ASAH2: variants seen among roughly 807,000 people sequenced by gnomAD.
ASAH2 encodes the protein neutral ceramidase.
Under a neutral mutation model 82.9 loss-of-function variants are expected in ASAH2, and 58 were observed. The ratio of observed to expected loss-of-function variants is 0.70; its 90% CI spans 0.57 to 0.87. The LOEUF (loss-of-function observed/expected upper bound fraction) is 0.87, where lower values mean the gene tolerates loss of function less well. Ranked by LOEUF, ASAH2 falls within the 40% of genes least tolerant of loss-of-function variation. ASAH2 has a pLI of 0.00. For synonymous variants in ASAH2, 276 were observed against 289.7 expected (o/e 0.95, Z 0.48); for missense variants, 779 against 834.0 (o/e 0.93, Z 0.81).
At chr10:50,245,173 TA>T in intron 3 of ASAH2, 48 bp downstream of exon 3, 1 of 1,431,034 alleles carries the variant, frequency 7.0e-7, no homozygotes, top group Non-Finnish European at 9.8e-7. Flanking sequence ...TGTAAAATAA[TA>T]AAATTACTTG....
At chr10:50,236,184 C>A in intron 4 of ASAH2, 120 bp from the exon 5 acceptor site, 3 of 883,728 alleles carry the variant, frequency 3.4e-6, no homozygotes, top group Admixed American at 1.9e-5. Context: ...AGTCCATTCT[C>A]ATGCTGCTAA....
chr10:50,242,105 T>C (rs1203821201), intron 4 of ASAH2, among the ~76,000 whole-genome samples: 1 of 152,234 alleles, frequency 6.6e-6, no homozygotes, highest in African/African-American at 2.4e-5. Context: ...GCTCTACCAT[T>C]TGCTAACTGT....
chr10:50,235,697 A>G (rs1002077319), intron 5 of ASAH2, among the ~76,000 whole-genome samples, 191 bp downstream of exon 5: 1 of 152,100 alleles, frequency 6.6e-6, no homozygotes, highest in Non-Finnish European at 1.5e-5. Flanking sequence ...CCAATCATCC[A>G]TGCCTCATCC....
chr10:50,198,968 CCAGACA>C, intron 17 of ASAH2, 77 bp downstream of exon 17: 1 of 1,475,958 alleles, frequency 6.8e-7, no homozygotes, highest in South Asian at 1.1e-5. Context: ...ATTTTCTTAC[CCAGACA>C]CAGACACATA....
intron 8 of ASAH2, among the ~76,000 whole-genome samples, chr10:50,217,472 C>G (rs1372663719): frequency 2.0e-5 from 3 of 152,074 alleles, no homozygotes; most frequent in Non-Finnish European, 4.4e-5. Context: ...CATGATTCAC[C>G]CACCTCGGCC....
chr10:50,235,770 A>G (rs1846144096), intron 5 of ASAH2, 118 bp downstream of exon 5: 3 of 1,090,938 alleles, frequency 2.7e-6, no homozygotes, highest in Non-Finnish European at 4.2e-6. Flanking sequence ...AGAATTGTAC[A>G]TGCTAATACT....
intron 7 of ASAH2, among the ~76,000 whole-genome samples, chr10:50,223,654 C>T (rs1845803313): frequency 6.6e-6 from 1 of 152,112 alleles, no homozygotes; most frequent in Non-Finnish European, 1.5e-5. Flanking sequence ...AATGCATGCT[C>T]ATCTGGAACC....
At chr10:50,220,550 C>T (rs1682305371) in intron 7 of ASAH2, among the ~76,000 whole-genome samples, 1 of 152,106 alleles carries the variant, frequency 6.6e-6, no homozygotes, top group Non-Finnish European at 1.5e-5. Flanking sequence ...CCAAATACCA[C>T]ATGTTCTCAC....
At chr10:50,208,702 G>A (rs1845375614) in intron 12 of ASAH2, among the ~76,000 whole-genome samples, 1 of 152,050 alleles carries the variant, frequency 6.6e-6, no homozygotes, top group African/African-American at 2.4e-5. Context: ...ACGTGGATCA[G>A]ATTACATAAT....
chr10:50,186,010 C>T lies in ASAH2; in HGVS notation c.*1305G>A, dbSNP rs1844736416. The T allele has an allele frequency of 1.3e-5, 2 of 149,780 alleles. No individual in the cohort carries two copies. The highest frequency in any genetic ancestry group is 2.5e-5 in the African/African-American group (1 of 40,044). The allele number at this position is 149,780 out of a possible 1,614,324, so 9.3% of individuals were successfully genotyped here. The stretch of plus-strand genomic sequence containing the variant: ...AATGCAATTAGTACTTTCAGACAAT[C>T]GATGTCAGACTGTCATATCTTATTC... On this transcript the variant is annotated 3_prime_UTR_variant, in exon 21 of 21. Coordinates refer to ENST00000682911, the MANE Select transcript of ASAH2 (RefSeq NM_019893.4).
intron 7 of ASAH2, among the ~76,000 whole-genome samples, chr10:50,222,314 T>G (rs1845771392): frequency 6.6e-6 from 1 of 152,256 alleles, no homozygotes; most frequent in Admixed American, 6.5e-5. Context: ...TGTCTCACTC[T>G]GTTGCCCAGG....
chr10:50,219,281 C>T (rs1040993714), intron 7 of ASAH2, among the ~76,000 whole-genome samples: 1 of 152,220 alleles, frequency 6.6e-6, no homozygotes, highest in Non-Finnish European at 1.5e-5. Flanking sequence ...TAAAGTTATA[C>T]AGTTTACAAA....
intron 1 of ASAH2, among the ~76,000 whole-genome samples, chr10:50,250,211 G>A (rs1403126202): frequency 6.6e-6 from 1 of 152,074 alleles, no homozygotes; most frequent in African/African-American, 2.4e-5. Flanking sequence ...TACCCAGCAG[G>A]CCTTATTTAT....
intron 16 of ASAH2, among the ~76,000 whole-genome samples, chr10:50,200,507 A>T (rs1290150638): frequency 1.5e-4 from 23 of 152,046 alleles, no homozygotes; most frequent in Admixed American, 1.1e-3. Context: ...GTTGTCAAGA[A>T]CTCATACAGA....
Position 50,235,888 on chromosome 10 carries a change from C to A in ASAH2, c.687G>T (p.Lys229Asn). 2 of 1,613,184 alleles carry A rather than the reference C, an allele frequency of 1.2e-6. No homozygotes were observed. The highest frequency in any genetic ancestry group is 1.7e-6 in the Non-Finnish European group (2 of 1,179,288). The change falls in exon 5 of 21, where the codon AAG becomes AAT. Residue 229 changes from lysine to asparagine, a missense_variant and splice_region_variant. Coordinates refer to ENST00000682911, the MANE Select transcript of ASAH2 (RefSeq NM_019893.4). ...TFQHMVTGIL[K>N]SIDIAHTNMK... ...GCTGCCTCTGGGGCTCTTTGCCTAC[C>A]TTCAAGATACCAGTGACCATGTGCT...
At chr10:50,205,812 C>A (rs1486362461) in intron 13 of ASAH2, among the ~76,000 whole-genome samples, 170 bp downstream of exon 13, 1 of 151,850 alleles carries the variant, frequency 6.6e-6, no homozygotes, top group Non-Finnish European at 1.5e-5. Flanking sequence ...ATTGCCATAA[C>A]CTTCATTCCT....
intron 12 of ASAH2, among the ~76,000 whole-genome samples, 182 bp downstream of exon 12, chr10:50,210,641 T>C (rs1263973199): frequency 2.6e-5 from 4 of 152,148 alleles, no homozygotes; most frequent in African/African-American, 7.2e-5. Flanking sequence ...GACAGAAATA[T>C]TAGTGGTTGC....
chr10:50,241,892 G>T (rs1028103759), intron 4 of ASAH2, among the ~76,000 whole-genome samples: 1 of 152,202 alleles, frequency 6.6e-6, no homozygotes, highest in East Asian at 1.9e-4. Context: ...GTCGGTGGGT[G>T]GAGGGCTAGG....
chr10:50,223,347 G>A (rs1845796531), intron 7 of ASAH2, among the ~76,000 whole-genome samples: 2 of 152,252 alleles, frequency 1.3e-5, no homozygotes, highest in South Asian at 4.2e-4. Flanking sequence ...CAGTGTGCAA[G>A]CTGTGCCCTG....
Sources: gnomAD v4.1 joint callset for allele counts (sites outside exome capture counted in the v4.1 genomes callset) on GRCh38, gnomAD v4.1.1 for gene constraint, MANE v1.5 for transcripts, NCBI Gene and HGNC (gene_info 2026-07-23, HGNC 2026-07-21) for gene names.